BACH2: variants seen among roughly 807,000 people sequenced by gnomAD.
BACH2 encodes the protein transcription regulator protein BACH2.
Under a neutral mutation model 61.8 loss-of-function variants are expected in BACH2, and 5 were observed. The ratio of observed to expected loss-of-function variants is 0.08; its 90% CI spans 0.04 to 0.17. BACH2 has a LOEUF of 0.17. Among genes scored for constraint, BACH2 ranks in the 10% least tolerant of loss-of-function variants. The probability of loss-of-function intolerance (pLI) is 1.00; values close to 1 mark genes in which losing one functional copy is unlikely to be tolerated. For missense variants in BACH2, 824 were observed against 1,091.1 expected (o/e 0.76, Z 3.45); for synonymous variants, 446 against 440.1 (o/e 1.01, Z -0.17).
chr6:89,934,856 C>T (rs897414626), intron 8 of BACH2, among the ~76,000 whole-genome samples: 5 of 152,014 alleles, frequency 3.3e-5, no homozygotes, highest in East Asian at 1.9e-4. Flanking sequence ...GCATGCGACA[C>T]GCACAAGGAA....
chr6:89,997,916 G>A (rs919945187), intron 6 of BACH2, among the ~76,000 whole-genome samples: 8 of 151,866 alleles, frequency 5.3e-5, no homozygotes, highest in Non-Finnish European at 1.2e-4. Flanking sequence ...AACACTTTTG[G>A]GAAGAATAAG....
intron 4 of BACH2, among the ~76,000 whole-genome samples, chr6:90,103,828 T>C (rs1000334990): frequency 1.3e-5 from 2 of 152,230 alleles, no homozygotes; most frequent in Non-Finnish European, 2.9e-5. Flanking sequence ...GAGAGTTAAA[T>C]GAAGTTCTAC....
chr6:90,225,094 A>G (rs1264113944), intron 3 of BACH2, among the ~76,000 whole-genome samples: 2 of 152,044 alleles, frequency 1.3e-5, no homozygotes, highest in East Asian at 3.9e-4. Context: ...CAACAACAAC[A>G]ACAAACAAGG....
intron 4 of BACH2, among the ~76,000 whole-genome samples, chr6:90,170,429 T>G (rs1767773534): frequency 6.6e-6 from 1 of 152,200 alleles, no homozygotes; most frequent in Admixed American, 6.5e-5. Context: ...AGCAAGAATT[T>G]TTGTCTGCTT....
At chr6:89,980,293 CA>C (rs55688725) in intron 6 of BACH2, among the ~76,000 whole-genome samples, 39,900 of 138,792 alleles carry the variant, frequency 0.29, 5,754 homozygotes, top group Admixed American at 0.37. Flanking sequence ...GACTCTGTCT[CA>C]AAAAAAAAAA....
At chr6:90,216,297 C>T (rs1017980679) in intron 3 of BACH2, among the ~76,000 whole-genome samples, 10 of 152,178 alleles carry the variant, frequency 6.6e-5, no homozygotes, top group Non-Finnish European at 1.2e-4. Context: ...AGACCACAGC[C>T]GCTGGAATGG....
chr6:90,242,996 C>T (rs1430287389), intron 3 of BACH2, among the ~76,000 whole-genome samples: 1 of 151,136 alleles, frequency 6.6e-6, no homozygotes, highest in Non-Finnish European at 1.5e-5. Flanking sequence ...TCTCCTGTCT[C>T]AGCCTCCCGA....
At chr6:90,295,901 C>G (rs1057051778) in intron 1 of BACH2, among the ~76,000 whole-genome samples, 1 of 152,126 alleles carries the variant, frequency 6.6e-6, no homozygotes, top group Admixed American at 6.5e-5. Context: ...CGCGGTGGTC[C>G]GGGCCACCCG....
At chr6:90,067,295 T>C (rs1377104303) in intron 5 of BACH2, among the ~76,000 whole-genome samples, 3 of 152,114 alleles carry the variant, frequency 2.0e-5, no homozygotes, top group Non-Finnish European at 4.4e-5. Context: ...GGAATTTAGT[T>C]TGGCTGTTGC....
intron 4 of BACH2, among the ~76,000 whole-genome samples, chr6:90,143,786 T>G (rs1285153735): frequency 1.3e-5 from 2 of 152,174 alleles, no homozygotes; most frequent in Non-Finnish European, 2.9e-5. Context: ...CAACAAATAC[T>G]AATATTAAGA....
rs1014151144 is a variant in BACH2, at chr6:90,043,121, T to C, written c.-12-34265A>G. Among the ~76,000 whole-genome samples the C allele has an allele frequency of 2.0e-5, 3 of 152,214 alleles. No individual in the cohort carries two copies. In the East Asian group the frequency reaches 5.8e-4, roughly 29 times the overall value. On this transcript the variant is annotated intron_variant, in intron 5 of 8. Coordinates refer to ENST00000257749, the MANE Select transcript of BACH2 (RefSeq NM_021813.4). ...GGTGTCATTTACTGTAAGGGAAAAC[T>C]CCAGGGGAGGATCATGTTTGGGGGC...
In BACH2 at chr6:90,189,571, G is replaced by A. The variant is rs1211588801; in HGVS notation, c.-162+16998C>T. On this transcript the variant is annotated intron_variant, in intron 4 of 8. Coordinates refer to ENST00000257749, the MANE Select transcript of BACH2 (RefSeq NM_021813.4). ...TGCAGTGAGCCGAGATTGCGCCACT[G>A]CAGTCCGCAGTCCGGCCTGGGCGAC... Among the ~76,000 whole-genome samples, 8 of 141,254 alleles carry A rather than the reference G, an allele frequency of 5.7e-5. No homozygotes were observed. In the East Asian group the frequency reaches 1.6e-3, roughly 29 times the overall value. 92.7% of individuals were successfully genotyped at this position (141,254 alleles called of 152,430 possible).
chr6:89,998,280 A>T (rs1031286450), intron 6 of BACH2, among the ~76,000 whole-genome samples: 1 of 152,102 alleles, frequency 6.6e-6, no homozygotes, highest in Non-Finnish European at 1.5e-5. Flanking sequence ...GCCTGGCTCC[A>T]TCCCACCCAG....
At chr6:90,247,301 T>A (rs1397102669) in intron 3 of BACH2, among the ~76,000 whole-genome samples, 1 of 151,494 alleles carries the variant, frequency 6.6e-6, no homozygotes. Context: ...GCAGTGGTCA[T>A]CATAGCTCAT....
At chr6:90,090,983 A>T (rs976394035) in intron 4 of BACH2, among the ~76,000 whole-genome samples, 31 of 152,162 alleles carry the variant, frequency 2.0e-4, no homozygotes, top group African/African-American at 7.2e-4. Context: ...GTCCACTCCA[A>T]TGCCAGGTCC....
chr6:90,157,940 A>T (rs1785049945), intron 4 of BACH2, among the ~76,000 whole-genome samples: 1 of 152,172 alleles, frequency 6.6e-6, no homozygotes, highest in South Asian at 2.1e-4. Context: ...TTATACAAAT[A>T]AAGATAAAAT....
rs1035502516 is a variant in BACH2 at position 90,271,374 on chromosome 6, A to G, written c.-353+475T>C. 2.7e-5 allele frequency among the ~76,000 whole-genome samples: 4 copies of G among 150,742 alleles called. 1 individual carries two copies. The highest frequency in any genetic ancestry group is 2.6e-4 in the Admixed American group (4 of 15,160). On this transcript the variant is annotated intron_variant, in intron 2 of 8. Transcript: ENST00000257749. Reference sequence around the variant, plus strand: ...ATAAAAACAACCCCATTTAAAAAAAAAAAAAAAAGAAAAAAGAAAAAAGAA... The same window carrying G: ...ATAAAAACAACCCCATTTAAAAAAAGAAAAAAAAGAAAAAAGAAAAAAGAA...
At chr6:90,022,017 T>A (rs558703411) in intron 5 of BACH2, among the ~76,000 whole-genome samples, 4 of 152,350 alleles carry the variant, frequency 2.6e-5, no homozygotes, top group Non-Finnish European at 5.9e-5. Flanking sequence ...TGAATGGTTC[T>A]CGTAATTCAG....
intron 4 of BACH2, among the ~76,000 whole-genome samples, chr6:90,131,397 C>G (rs1784073772): frequency 6.6e-6 from 1 of 152,202 alleles, no homozygotes; most frequent in Non-Finnish European, 1.5e-5. Context: ...GTAGTTGACT[C>G]CTCATTTTGT....
Sources: gnomAD v4.1 joint callset for allele counts (sites outside exome capture counted in the v4.1 genomes callset) on GRCh38, gnomAD v4.1.1 for gene constraint, MANE v1.5 for transcripts, NCBI Gene and HGNC (gene_info 2026-07-23, HGNC 2026-07-21) for gene names.